Variants in RANBP10 observed in about 807,000 individuals in gnomAD.
RANBP10 encodes the protein ran-binding protein 10.
In RANBP10, 24 loss-of-function variants were observed where a neutral mutation model predicts 72.8. The ratio of observed to expected loss-of-function variants is 0.33; its 90% CI spans 0.24 to 0.46. The LOEUF is 0.46. RANBP10 is among the 20% of genes least tolerant of loss of function. RANBP10 has a pLI of 1.00. For synonymous variants in RANBP10, 310 were observed against 322.3 expected (o/e 0.96, Z 0.41); for missense variants, 679 against 817.5 (o/e 0.83, Z 2.07).
chr16:67,741,752 C>A (rs1360821159), intron 4 of RANBP10, among the ~76,000 whole-genome samples: 1 of 152,214 alleles, frequency 6.6e-6, no homozygotes, highest in Non-Finnish European at 1.5e-5. Flanking sequence ...ATTATGCAGA[C>A]AACTGACCAA....
chr16:67,766,999 A>G (rs1176868570), intron 3 of RANBP10, among the ~76,000 whole-genome samples: 3 of 152,234 alleles, frequency 2.0e-5, no homozygotes, highest in Non-Finnish European at 1.5e-5. Context: ...AGTGAAACAA[A>G]GACAAGTGCA....
chr16:67,728,617 G>T (rs770016175), intron 10 of RANBP10, 106 bp from the exon 11 acceptor site: 3 of 1,576,606 alleles, frequency 1.9e-6, no homozygotes, highest in Non-Finnish European at 2.6e-6. Flanking sequence ...GGTGAACCGA[G>T]GACCCCCAGG....
At chr16:67,773,416 CCT>C (rs2054642551) in intron 2 of RANBP10, among the ~76,000 whole-genome samples, 1 of 152,092 alleles carries the variant, frequency 6.6e-6, no homozygotes, top group Non-Finnish European at 1.5e-5. Flanking sequence ...TTTTCTTTAC[CCT>C]GTCTCAGGTA....
At chr16:67,797,733 C>T (rs919028749) in intron 2 of RANBP10, among the ~76,000 whole-genome samples, 4 of 152,020 alleles carry the variant, frequency 2.6e-5, no homozygotes, top group African/African-American at 7.2e-5. Flanking sequence ...TCACTTGAAC[C>T]CTGGGAGGCG....
chr16:67,727,953 A>G, intron 11 of RANBP10, 57 bp from the exon 12 acceptor site: 1 of 1,591,534 alleles, frequency 6.3e-7, no homozygotes, highest in South Asian at 1.1e-5. Context: ...GAAGGGCAGG[A>G]CTAGGGTGGG....
In RANBP10 at chr16:67,806,436, T is replaced by A; in HGVS notation, c.101A>T (p.Glu34Val). 1 of 1,588,624 alleles carries A rather than the reference T, an allele frequency of 6.3e-7. No homozygotes were observed. The highest frequency in any genetic ancestry group is 1.1e-5 in the South Asian group (1 of 88,468). The change falls in exon 1 of 14, where the codon GAG becomes GTG. Residue 34 changes from glutamate to valine, a missense_variant. Glu to Val is a moderately radical substitution (Grantham distance 121). Coordinates refer to ENST00000317506, the MANE Select transcript of RANBP10 (RefSeq NM_020850.3). ...CAGGCGCTGCAAGCGCCGGCTCAGC[T>A]CCTGCTCCCCAGGGGACGGCAGCCC... Reference protein sequence around the residue: ...GGGLPSPGEQELSRRLQRLYP... With the variant: ...GGGLPSPGEQVLSRRLQRLYP...
At position 67,748,438 on chromosome 16, in the gene RANBP10, G is replaced by A. The variant is rs539412596; in HGVS notation, c.401-3983C>T. On this transcript the variant is annotated intron_variant, in intron 3 of 13. Coordinates refer to ENST00000317506, the MANE Select transcript of RANBP10 (RefSeq NM_020850.3). ...CTCAGGAGGCTGAGGCAGGAGAATC[G>A]CTTAAACCCAGAAAGGCGGAGGTTG... 5.3e-5 allele frequency among the ~76,000 whole-genome samples: 8 copies of A among 151,648 alleles called. No individual in the cohort carries two copies. The South Asian group carries it at 1.3e-3, about 24-fold the overall frequency.
At chr16:67,732,286 G>C (rs2053748815) in intron 6 of RANBP10, among the ~76,000 whole-genome samples, 3 of 152,218 alleles carry the variant, frequency 2.0e-5, no homozygotes, top group African/African-American at 7.2e-5. Flanking sequence ...TTGGGAAATG[G>C]TCTGGAGAAG....
Position 67,806,557 on chromosome 16 carries a change from T to G in RANBP10, c.-21A>C, listed in dbSNP as rs1341863844. ...GCCATCTTGGAGGGAGCTACTATTG[T>G]GTCACTGGGGGCGGGGAGGAGCGGG... On this transcript the variant is annotated 5_prime_UTR_variant, in exon 1 of 14. Transcript: ENST00000317506. The G allele has an allele frequency of 1.4e-6, 2 of 1,466,472 alleles. No individual in the cohort carries two copies. The highest frequency in any genetic ancestry group is 2.6e-5 in the Admixed American group (1 of 39,140). 90.8% of individuals were successfully genotyped at this position (1,466,472 alleles called of 1,614,324 possible).
intron 2 of RANBP10, among the ~76,000 whole-genome samples, chr16:67,787,529 T>C (rs977023855): frequency 6.6e-6 from 1 of 152,094 alleles, no homozygotes; most frequent in Non-Finnish European, 1.5e-5. Flanking sequence ...CATTCTTAGG[T>C]GAACACCCAA....
intron 2 of RANBP10, among the ~76,000 whole-genome samples, chr16:67,775,183 A>G (rs1300959509): frequency 6.6e-6 from 1 of 152,108 alleles, no homozygotes; most frequent in Non-Finnish European, 1.5e-5. Context: ...GTGGTGGCAC[A>G]CGCCTGTAAT....
At chr16:67,785,244 G>A (rs2054894251) in intron 2 of RANBP10, among the ~76,000 whole-genome samples, 1 of 151,150 alleles carries the variant, frequency 6.6e-6, no homozygotes, top group African/African-American at 2.4e-5. Flanking sequence ...AAGAAAGAAA[G>A]AAAGAAGGGA....
Position 67,806,550 on chromosome 16 carries a change from A to C in RANBP10, c.-14T>G. On this transcript the variant is annotated 5_prime_UTR_variant, in exon 1 of 14. Coordinates refer to ENST00000317506, the MANE Select transcript of RANBP10 (RefSeq NM_020850.3). The stretch of plus-strand genomic sequence containing the variant: ...CGCTGCCGCCATCTTGGAGGGAGCT[A>C]CTATTGTGTCACTGGGGGCGGGGAG... 6.8e-7 allele frequency: 1 copy of C among 1,473,556 alleles called. No homozygotes were observed. The highest frequency in any genetic ancestry group is 1.4e-5 in the South Asian group (1 of 74,058). The allele number at this position is 1,473,556 out of a possible 1,614,324, so 91.3% of individuals were successfully genotyped here.
intron 2 of RANBP10, among the ~76,000 whole-genome samples, chr16:67,779,371 T>C (rs2054770364): frequency 6.7e-6 from 1 of 149,702 alleles, no homozygotes; most frequent in Non-Finnish European, 1.5e-5. Context: ...CACTCCAGCC[T>C]GGGTGACAGA....
At chr16:67,797,031 AT>A (rs1351021048) in intron 2 of RANBP10, among the ~76,000 whole-genome samples, 1 of 151,994 alleles carries the variant, frequency 6.6e-6, no homozygotes, top group East Asian at 1.9e-4. Flanking sequence ...GGAGCCCTTT[AT>A]TCCTTCCCAA....
chr16:67,744,253 C>A (rs769824551), intron 4 of RANBP10, 35 bp downstream of exon 4: 1 of 1,594,094 alleles, frequency 6.3e-7, no homozygotes, highest in Non-Finnish European at 8.6e-7. Context: ...AGTGGCTCCA[C>A]AGAGCAGAGC....
At chr16:67,801,676 A>C (rs934044627) in intron 2 of RANBP10, among the ~76,000 whole-genome samples, 18 of 152,138 alleles carry the variant, frequency 1.2e-4, no homozygotes, top group African/African-American at 4.1e-4. Context: ...TGGGAGGCTG[A>C]CAATGGTGGC....
chr16:67,741,021 G>A (rs2053959600), intron 4 of RANBP10, among the ~76,000 whole-genome samples: 1 of 152,106 alleles, frequency 6.6e-6, no homozygotes, highest in Non-Finnish European at 1.5e-5. Flanking sequence ...AAGAAGCCTG[G>A]AAAAAGGGAG....
In RANBP10 at chr16:67,729,719, G is replaced by T; in HGVS notation, c.1108C>A (p.Pro370Thr). ...DSYPGSPSLS[P>T]RHGPSSSHMH... ...TGGGAACTACTGGGGCCATGTCGGG[G>T]ACTGAGGCTGGGGGAGCCAGGGTAG... Residue 370 changes from proline (P) to threonine (T), a missense_variant, in exon 9 of 14, where the codon CCC (proline) becomes ACC (threonine). By Grantham distance (38) the Pro-to-Thr change is conservative (BLOSUM62 -1). Transcript: ENST00000317506. This position sits in a 1 kb window ranked among gnomAD's most constrained non-coding sequence, Gnocchi z 7.1. 1 of 1,614,022 alleles carries T rather than the reference G, an allele frequency of 6.2e-7. No individual in the cohort carries two copies. Among genetic ancestry groups the T allele is most frequent in the Non-Finnish European group, 8.5e-7 (1 of 1,179,970 alleles).
Sources: gnomAD v4.1 joint callset for allele counts (sites outside exome capture counted in the v4.1 genomes callset) on GRCh38, gnomAD v4.1.1 for gene constraint, Gnocchi (gnomAD v3.1) non-coding constraint, MANE v1.5 for transcripts, NCBI Gene and HGNC (gene_info 2026-07-23, HGNC 2026-07-21) for gene names.